Variants in SLC5A7 observed in about 807,000 individuals in gnomAD.
The protein encoded by SLC5A7 is solute carrier family 5 member 7, also known as high affinity choline transporter 1.
SLC5A7 carries 19 observed loss-of-function variants against 55.4 expected under a neutral mutation model. The ratio of observed to expected loss-of-function variants is 0.34; its 90% CI spans 0.24 to 0.50. The LOEUF is 0.50. SLC5A7 is among the 20% of genes least tolerant of loss of function. The pLI, the probability that SLC5A7 is intolerant of heterozygous loss-of-function variation, is 0.98. For synonymous variants in SLC5A7, 265 were observed against 263.7 expected (o/e 1.00, Z -0.05); for missense variants, 506 against 705.3 (o/e 0.72, Z 3.20).
intron 2 of SLC5A7, among the ~76,000 whole-genome samples, chr2:107,991,299 T>C (rs1677440879): frequency 6.6e-6 from 1 of 152,178 alleles, no homozygotes; most frequent in East Asian, 1.9e-4. Flanking sequence ...ATAGTAAATA[T>C]CTTACTAAAA....
chr2:107,998,432 CAT>C (rs2104355707), intron 5 of SLC5A7, among the ~76,000 whole-genome samples: 1 of 152,280 alleles, frequency 6.6e-6, no homozygotes, highest in East Asian at 1.9e-4. Flanking sequence ...AAATATTAAT[CAT>C]CACTATTTGT....
At chr2:107,989,669 A>G (rs1182922034) in intron 2 of SLC5A7, among the ~76,000 whole-genome samples, 3 of 152,192 alleles carry the variant, frequency 2.0e-5, no homozygotes, top group Non-Finnish European at 2.9e-5. Flanking sequence ...TGACCGCCCC[A>G]TGCTGTGCCA....
In SLC5A7 at chr2:108,010,361, A is replaced by T; in HGVS notation, c.1243A>T (p.Ile415Phe). ...LWYLSSDLVYIVIFPQLLCVL... is the reference protein window; with the variant it reads ...LWYLSSDLVYFVIFPQLLCVL... ...GTACCTCAGTTCTGACCTTGTTTAC[A>T]TCGTTATCTTCCCCCAGCTGCTTTG... is the stretch of plus-strand genomic sequence containing the variant. The change falls in exon 9 of 9, where the codon ATC becomes TTC. Residue 415 changes from isoleucine (I) to phenylalanine (F), a missense_variant. Physicochemically the swap from Ile to Phe is conservative, Grantham distance 21 (BLOSUM62 0). Coordinates refer to ENST00000264047, the MANE Select transcript of SLC5A7 (RefSeq NM_021815.5). 1 of 1,613,960 alleles carries T rather than the reference A, an allele frequency of 6.2e-7. No individual in the cohort carries two copies. Among genetic ancestry groups the T allele is most frequent in the Non-Finnish European group, 8.5e-7 (1 of 1,179,928 alleles).
chr2:108,010,847 G>A lies in SLC5A7; in HGVS notation c.1729G>A (p.Asp577Asn), dbSNP rs761165738. Reference protein sequence around the residue: ...DSSPEGSGTEDNLQ With the variant: ...DSSPEGSGTENNLQ ...CAGTCCAGAAGGGTCTGGGACTGAA[G>A]ATAATTTACAGTGACCCCATCTAAA... Residue 577 changes from aspartate (D) to asparagine (N), a missense_variant, in exon 9 of 9, where the codon GAT becomes AAT. Coordinates refer to ENST00000264047, the MANE Select transcript of SLC5A7 (RefSeq NM_021815.5). 1 of 1,581,010 alleles carries A rather than the reference G, an allele frequency of 6.3e-7. No individual in the cohort carries two copies. The highest frequency in any genetic ancestry group is 1.4e-5 in the African/African-American group (1 of 73,070).
intron 4 of SLC5A7, among the ~76,000 whole-genome samples, chr2:107,994,379 C>T (rs1023655373): frequency 3.9e-5 from 6 of 152,230 alleles, no homozygotes; most frequent in Non-Finnish European, 8.8e-5. Context: ...GTCATGAGAT[C>T]GAGACCATCC....
Position 108,010,826 on chromosome 2 carries a change from C to T in SLC5A7, c.1708C>T (p.Pro570Ser), listed in dbSNP as rs1260956878. 2 of 1,605,824 alleles carry T rather than the reference C, an allele frequency of 1.2e-6. No homozygotes were observed. Among genetic ancestry groups the T allele is most frequent in the African/African-American group, 1.3e-5 (1 of 74,266 alleles). ...GGCCTTCCTTGATGTTGATTCCAGT[C>T]CAGAAGGGTCTGGGACTGAAGATAA... ...KEAFLDVDSS[P>S]EGSGTEDNLQ Residue 570 changes from proline (P) to serine (S), a missense_variant, in exon 9 of 9, where the codon CCA (proline) becomes TCA (serine). By Grantham distance (74) the Pro-to-Ser change is moderately conservative. This residue lies in a region of SLC5A7 where 137 missense variants were observed against 143.6 expected (regional missense o/e 0.95). Transcript: ENST00000264047.
chr2:107,993,315 T>C (rs1677528248), intron 4 of SLC5A7, among the ~76,000 whole-genome samples, 188 bp downstream of exon 4: 2 of 152,234 alleles, frequency 1.3e-5, no homozygotes, highest in Admixed American at 1.3e-4. Context: ...AGAGGTTAAA[T>C]AAAACCTCAG....
intron 4 of SLC5A7, among the ~76,000 whole-genome samples, chr2:107,994,272 G>A (rs192774549): frequency 1.2e-4 from 18 of 152,234 alleles, no homozygotes; most frequent in East Asian, 1.9e-4. Context: ...GTATTTGATC[G>A]TTATAAAATA....
chr2:108,002,195 G>A (rs560755851), intron 6 of SLC5A7, among the ~76,000 whole-genome samples, 155 bp downstream of exon 6: 2 of 152,220 alleles, frequency 1.3e-5, no homozygotes, highest in East Asian at 3.9e-4. Context: ...AGCCAGGGCC[G>A]GACTATCGTG....
rs369362436 is a variant in SLC5A7, at chr2:107,997,875, C to T, written c.486C>T (p.His162=). Residue 162 remains histidine, a synonymous_variant, in exon 5 of 9, where the codon CAC becomes CAT. Coordinates refer to ENST00000264047, the MANE Select transcript of SLC5A7 (RefSeq NM_021815.5). The part of the protein sequence containing the change: ...TISVIIDVDM[H]ISVIISALIA... The stretch of plus-strand genomic sequence containing the variant: ...GCGTGATCATCGATGTGGATATGCA[C>T]ATTTCTGTCATCATCTCTGCACTCA... 2.5e-4 allele frequency: 410 copies of T among 1,612,614 alleles called. 1 individual carries two copies. The highest frequency in any genetic ancestry group is 2.9e-4 in the Non-Finnish European group (345 of 1,179,264).
At chr2:108,007,861 G>A (rs1022738723) in intron 7 of SLC5A7, among the ~76,000 whole-genome samples, 1 of 152,170 alleles carries the variant, frequency 6.6e-6, no homozygotes, top group Admixed American at 6.6e-5. Flanking sequence ...ATAAATCTGT[G>A]TTTCAAGTCT....
intron 6 of SLC5A7, among the ~76,000 whole-genome samples, chr2:108,002,295 T>A (rs1677943916): frequency 6.6e-6 from 1 of 152,022 alleles, no homozygotes; most frequent in Non-Finnish European, 1.5e-5. Context: ...CGTTGTGATG[T>A]AAGTCAAGGA....
At chr2:107,987,812 T>C (rs1677305655) in intron 1 of SLC5A7, among the ~76,000 whole-genome samples, 1 of 152,226 alleles carries the variant, frequency 6.6e-6, no homozygotes, top group Non-Finnish European at 1.5e-5. Context: ...ACAAGGTTAA[T>C]TTTAAATTTA....
At chr2:107,989,517 C>T (rs970019232) in intron 2 of SLC5A7, among the ~76,000 whole-genome samples, 1 of 152,138 alleles carries the variant, frequency 6.6e-6, no homozygotes, top group Non-Finnish European at 1.5e-5. Context: ...CTCATTTGGT[C>T]TTTATAACGG....
chr2:107,994,140 T>A (rs958812506), intron 4 of SLC5A7, among the ~76,000 whole-genome samples: 4 of 152,144 alleles, frequency 2.6e-5, no homozygotes, highest in African/African-American at 2.4e-5. Context: ...AGCTGGGAGA[T>A]GGAAGCTCCC....
At position 107,998,087 on chromosome 2, in the gene SLC5A7, T is replaced by C; in HGVS notation, c.597+101T>C. 5 of 1,189,428 alleles carry C rather than the reference T, an allele frequency of 4.2e-6. No individual in the cohort carries two copies. In the South Asian group the frequency reaches 9.7e-5, roughly 23 times the overall value. 73.7% of individuals were successfully genotyped at this position (1,189,428 alleles called of 1,614,324 possible). A position where few individuals can be genotyped will look rare whatever the true frequency, so the allele number is the denominator to read the frequency against. On this transcript the variant is annotated intron_variant, in intron 5 of 8. Coordinates refer to ENST00000264047, the MANE Select transcript of SLC5A7 (RefSeq NM_021815.5). ...TGAGTAGAAATATTATTTTCCCTCA[T>C]GAGTAATACATACTAAGTCACATAC...
At chr2:108,005,269 T>G (rs1678061262) in intron 6 of SLC5A7, among the ~76,000 whole-genome samples, 1 of 152,230 alleles carries the variant, frequency 6.6e-6, no homozygotes, top group African/African-American at 2.4e-5. Context: ...CCATGCCTTA[T>G]TCATGTTTTT....
chr2:107,989,815 C>T (rs1366986184), intron 2 of SLC5A7, among the ~76,000 whole-genome samples: 1 of 152,092 alleles, frequency 6.6e-6, no homozygotes, highest in African/African-American at 2.4e-5. Context: ...CTCTACTATT[C>T]TCATTTAATA....
At chr2:107,989,873 C>A (rs1017972154) in intron 2 of SLC5A7, among the ~76,000 whole-genome samples, 1 of 151,816 alleles carries the variant, frequency 6.6e-6, no homozygotes, top group African/African-American at 2.4e-5. Flanking sequence ...TTTGTTTTTA[C>A]CATTTAGAAT....
Sources: gnomAD v4.1 joint callset for allele counts (sites outside exome capture counted in the v4.1 genomes callset) on GRCh38, gnomAD v4.1.1 for gene constraint, gnomAD v4.1.1 regional missense constraint, MANE v1.5 for transcripts, NCBI Gene and HGNC (gene_info 2026-07-23, HGNC 2026-07-21) for gene names.